Variants in ROBO1 observed in about 807,000 individuals in gnomAD.
ROBO1 encodes roundabout homolog 1.
In ROBO1, 149 loss-of-function variants were observed where a neutral mutation model predicts 195.9. That is an observed-to-expected ratio of 0.76 (90% CI 0.67 to 0.87). The LOEUF is 0.87. Ranked by LOEUF, ROBO1 falls within the 40% of genes least tolerant of loss-of-function variation. The pLI, the probability that ROBO1 is intolerant of heterozygous loss-of-function variation, is 0.00. For missense variants in ROBO1, 1,933 were observed against 2,068.3 expected (o/e 0.93, Z 1.27); for synonymous variants, 816 against 733.2 (o/e 1.11, Z -1.82).
At chr3:78,617,506 T>TAAAAAA in intron 27 of ROBO1, 129 bp downstream of exon 27, 48 of 721,162 alleles carry the variant, frequency 6.7e-5, no homozygotes, top group South Asian at 1.3e-4. Context: ...CTTAGGCAGC[T>TAAAAAA]AAAAAAAAAA....
intron 25 of ROBO1, among the ~76,000 whole-genome samples, chr3:78,629,099 C>T (rs938167398): frequency 2.0e-5 from 3 of 151,932 alleles, no homozygotes; most frequent in Non-Finnish European, 2.9e-5. Flanking sequence ...AGCTTCGTCT[C>T]GTTCCCTACC....
intron 4 of ROBO1, among the ~76,000 whole-genome samples, chr3:78,847,290 T>C (rs1045974721): frequency 1.3e-5 from 2 of 152,130 alleles, no homozygotes; most frequent in Non-Finnish European, 1.5e-5. Context: ...CTTACTGTAA[T>C]AGAAAATGGA....
intron 4 of ROBO1, among the ~76,000 whole-genome samples, chr3:78,934,813 C>A (rs1347889605): frequency 6.6e-6 from 1 of 151,842 alleles, no homozygotes; most frequent in East Asian, 1.9e-4. Context: ...ACACACCAAT[C>A]AATCAAACAA....
intron 4 of ROBO1, among the ~76,000 whole-genome samples, chr3:78,892,002 G>C (rs2036927762): frequency 6.6e-6 from 1 of 152,154 alleles, no homozygotes; most frequent in African/African-American, 2.4e-5. Context: ...TTGACTTGTG[G>C]TTACACGGGT....
At chr3:78,811,492 G>T (rs2084738136) in intron 4 of ROBO1, among the ~76,000 whole-genome samples, 1 of 152,076 alleles carries the variant, frequency 6.6e-6, no homozygotes, top group Non-Finnish European at 1.5e-5. Flanking sequence ...TTTTGACATT[G>T]TAACTGCTCT....
chr3:79,052,604 C>T (rs535522552), intron 3 of ROBO1, among the ~76,000 whole-genome samples: 57 of 152,118 alleles, frequency 3.7e-4, no homozygotes, highest in Middle Eastern at 3.4e-3. Context: ...CAGAACCTGC[C>T]GACATGTGAT....
At chr3:79,424,269 C>T (rs896847072) in intron 2 of ROBO1, among the ~76,000 whole-genome samples, 1 of 151,922 alleles carries the variant, frequency 6.6e-6, no homozygotes, top group African/African-American at 2.4e-5. Context: ...AGGGGATTTC[C>T]CTCAAATTAA....
At chr3:79,183,815 T>C (rs2081388427) in intron 2 of ROBO1, among the ~76,000 whole-genome samples, 1 of 152,196 alleles carries the variant, frequency 6.6e-6, no homozygotes, top group Non-Finnish European at 1.5e-5. Flanking sequence ...ATTTCAGTTA[T>C]TAGAGATATA....
At chr3:79,727,278 T>C (rs768137600) in intron 1 of ROBO1, among the ~76,000 whole-genome samples, 6 of 137,708 alleles carry the variant, frequency 4.4e-5, no homozygotes, top group Admixed American at 1.6e-4. Context: ...GAGTCAGACA[T>C]ATTTTTACTT....
chr3:79,299,715 T>C (rs1243502454), intron 2 of ROBO1, among the ~76,000 whole-genome samples: 1 of 152,102 alleles, frequency 6.6e-6, no homozygotes, highest in African/African-American at 2.4e-5. Context: ...TGATGAAATC[T>C]TTCCAATTCA....
intron 2 of ROBO1, among the ~76,000 whole-genome samples, chr3:79,155,572 T>G (rs992074211): frequency 6.6e-6 from 1 of 151,776 alleles, no homozygotes; most frequent in African/African-American, 2.4e-5. Context: ...AGGAAAACAA[T>G]CTCTCTTCTC....
At chr3:79,309,367 G>A (rs1484647626) in intron 2 of ROBO1, among the ~76,000 whole-genome samples, 1 of 152,088 alleles carries the variant, frequency 6.6e-6, no homozygotes, top group African/African-American at 2.4e-5. Flanking sequence ...TCAGAAGTTC[G>A]AGACCAGCCT....
intron 1 of ROBO1, among the ~76,000 whole-genome samples, chr3:79,756,370 T>G (rs2107499939): frequency 6.6e-6 from 1 of 151,756 alleles, no homozygotes; most frequent in African/African-American, 2.4e-5. Context: ...AACAACAAGG[T>G]GAAACCCTGT....
In ROBO1 at chr3:79,720,938, G is replaced by T. The variant is rs140061149; in HGVS notation, c.-51+46814C>A. 9.2e-3 allele frequency among the ~76,000 whole-genome samples: 1,392 copies of T among 151,928 alleles called. 18 individuals are homozygous for T. Among genetic ancestry groups the T allele is most frequent in the African/African-American group, 0.03 (1,252 of 41,436 alleles). On this transcript the variant is annotated intron_variant, in intron 1 of 30. Transcript: ENST00000464233. ...CTCCCGAGTAGCTGGGACTACAGGC[G>T]CCCGCCACCGTGCCCGGCTAATTTT... is the stretch of plus-strand genomic sequence containing the variant.
At chr3:79,568,098 C>A (rs1006068575) in intron 2 of ROBO1, among the ~76,000 whole-genome samples, 1 of 152,078 alleles carries the variant, frequency 6.6e-6, no homozygotes, top group African/African-American at 2.4e-5. Flanking sequence ...TCTTTATAGA[C>A]GCACTTTGGA....
At chr3:79,373,280 G>A (rs987220227) in intron 2 of ROBO1, among the ~76,000 whole-genome samples, 7 of 149,614 alleles carry the variant, frequency 4.7e-5, no homozygotes, top group South Asian at 2.1e-4. Flanking sequence ...TGTAAAACAC[G>A]TTTTTTTTTT....
intron 2 of ROBO1, among the ~76,000 whole-genome samples, chr3:79,563,263 A>C (rs2107717522): frequency 6.6e-6 from 1 of 152,200 alleles, no homozygotes; most frequent in South Asian, 2.1e-4. Context: ...CCATGAATGA[A>C]GTTTCATGAA....
intron 2 of ROBO1, among the ~76,000 whole-genome samples, chr3:79,187,288 C>T (rs565103366): frequency 3.3e-5 from 5 of 151,912 alleles, no homozygotes; most frequent in Non-Finnish European, 7.4e-5. Context: ...GGAAGAGATA[C>T]CAAATAGGAG....
intron 3 of ROBO1, among the ~76,000 whole-genome samples, chr3:79,023,669 CA>C (rs1316058573): frequency 8.6e-5 from 8 of 92,530 alleles, no homozygotes; most frequent in African/African-American, 2.7e-4. Flanking sequence ...TAAATAGGGC[CA>C]ATTTTTTTTT....
Sources: allele counts gnomAD v4.1 joint callset (sites outside exome capture counted in the v4.1 genomes callset), GRCh38; gene constraint gnomAD v4.1.1; transcripts MANE v1.5; gene names NCBI Gene and HGNC (gene_info 2026-07-23, HGNC 2026-07-21).